The following CELF2 variants were observed in gnomAD, a reference collection of about 807,000 sequenced individuals.
CELF2 encodes the protein CUG triplet repeat RNA-binding protein 2.
In CELF2, 8 loss-of-function variants were observed where a neutral mutation model predicts 62.6. The observed-to-expected ratio is 0.13, with a 90% confidence interval of 0.07 to 0.23. The LOEUF is 0.23. Ranked by LOEUF, CELF2 falls within the 10% of genes least tolerant of loss-of-function variation. The pLI, the probability that CELF2 is intolerant of heterozygous loss-of-function variation, is 1.00. For synonymous variants in CELF2, 258 were observed against 250.0 expected (o/e 1.03, Z -0.30); for missense variants, 333 against 671.0 (o/e 0.50, Z 5.56).
chr10:10,776,475 A>C, the CELF2 span: 201 of 154,280 alleles, frequency 1.3e-3, 1 homozygote, highest in Non-Finnish European at 2.6e-3. Flanking sequence ...TGTTCCTTTC[A>C]AGCATGGAAA....
intron 1 of CELF2, among the ~76,000 whole-genome samples, chr10:10,812,465 G>A (rs1250456096): frequency 1.3e-5 from 2 of 152,176 alleles, no homozygotes; most frequent in African/African-American, 2.4e-5. Context: ...GTGCAACAGA[G>A]TTAGAGGGCA....
chr10:10,947,376 TCACCATTTGA>T lies in CELF2; in HGVS notation c.89+27381_89+27390del, dbSNP rs928041470. The T allele has an allele frequency of 3.3e-5, 5 of 152,686 alleles. No individual in the cohort carries two copies. Among genetic ancestry groups the T allele is most frequent in the African/African-American group, 4.8e-5 (2 of 41,460 alleles). 9.5% of individuals were successfully genotyped at this position (152,686 alleles called of 1,614,324 possible). On this transcript the variant is annotated intron_variant, in intron 2 of 13. Coordinates refer to the CELF2 transcript ENST00000636488. The surrounding 1 kb of genome is among the most constrained non-coding windows in gnomAD (Gnocchi z 4.1). ...TTACCATTTTACTCTCCCTCCCTGTTCACCATTTGACACAAGAAATGAACAGCTCTTTTGC... is the reference window on the plus strand; with the variant it reads ...TTACCATTTTACTCTCCCTCCCTGTTCACAAGAAATGAACAGCTCTTTTGC...
chr10:10,802,330 T>A (rs191350439), intron 1 of CELF2, among the ~76,000 whole-genome samples: 2 of 152,054 alleles, frequency 1.3e-5, no homozygotes, highest in African/African-American at 4.8e-5. Flanking sequence ...ATTAGCTGGG[T>A]GTGGTGCCAC....
chr10:10,749,828 T>G, the CELF2 span, among the ~76,000 whole-genome samples: 1 of 152,222 alleles, frequency 6.6e-6, no homozygotes, highest in Non-Finnish European at 1.5e-5. Flanking sequence ...TTTTAAGCAT[T>G]TTCAGAATGT....
At position 11,156,481 on chromosome 10, in the gene CELF2, G is replaced by A. The variant is rs535213878; in HGVS notation, c.75-9005G>A. On this transcript the variant is annotated intron_variant, in intron 1 of 12. Transcript: ENST00000633077. The surrounding 1 kb of genome is among the most constrained non-coding windows in gnomAD (Gnocchi z 4.3). Reference sequence around the variant, plus strand: ...TTAATACCCTGCAACGCCCTCCCCTGCATGCTTTATTTGTCTCTGTCAAAA... The same window carrying A: ...TTAATACCCTGCAACGCCCTCCCCTACATGCTTTATTTGTCTCTGTCAAAA... 1.3e-5 allele frequency among the ~76,000 whole-genome samples: 2 copies of A among 152,096 alleles called. No individual in the cohort carries two copies. Among genetic ancestry groups the A allele is most frequent in the South Asian group, 4.2e-4 (2 of 4,810 alleles).
the CELF2 span, among the ~76,000 whole-genome samples, chr10:10,491,222 T>G: frequency 6.6e-6 from 1 of 152,182 alleles, no homozygotes; most frequent in Admixed American, 6.5e-5. Flanking sequence ...CCCCTTTCAC[T>G]GACATTAAAA....
rs141239788 is a variant in CELF2 at position 10,825,795 on chromosome 10, A to G, written c.53+26978A>G. On this transcript the variant is annotated intron_variant, in intron 1 of 13. Transcript: ENST00000636488. ...AAATTCCTTTCTCTCCCAAGGCCTCAGTTTCCTTATCTGCAAAATGATAAA... is the reference window on the plus strand; with the variant it reads ...AAATTCCTTTCTCTCCCAAGGCCTCGGTTTCCTTATCTGCAAAATGATAAA... 1.3e-3 allele frequency among the ~76,000 whole-genome samples: 199 copies of G among 152,316 alleles called. 1 individual carries two copies. Among genetic ancestry groups the G allele is most frequent in the African/African-American group, 4.5e-3 (186 of 41,580 alleles).
the CELF2 span, among the ~76,000 whole-genome samples, chr10:10,555,866 T>C: frequency 6.6e-6 from 1 of 152,174 alleles, no homozygotes; most frequent in Admixed American, 6.5e-5. Context: ...CTCTTCACAG[T>C]TGCCCAGGCC....
the CELF2 span, among the ~76,000 whole-genome samples, chr10:10,492,672 G>A: frequency 6.6e-6 from 1 of 152,254 alleles, no homozygotes; most frequent in South Asian, 2.1e-4. Flanking sequence ...AGTAACCCAA[G>A]TGACCACCAT....
chr10:10,877,255 G>T (rs1276507165), intron 1 of CELF2, among the ~76,000 whole-genome samples: 1 of 152,206 alleles, frequency 6.6e-6, no homozygotes, highest in Admixed American at 6.5e-5. Context: ...AATTTATTTT[G>T]CCAAGGTCAA....
the CELF2 span, among the ~76,000 whole-genome samples, chr10:10,484,418 G>A: frequency 3.6e-5 from 5 of 140,588 alleles, no homozygotes; most frequent in African/African-American, 8.1e-5. Context: ...CTGGGTTCAC[G>A]CGATTCTCCT....
chr10:11,115,797 G>A (rs2056434898), intron 1 of CELF2, among the ~76,000 whole-genome samples: 1 of 152,204 alleles, frequency 6.6e-6, no homozygotes, highest in Non-Finnish European at 1.5e-5. Context: ...ATCCAGTTTG[G>A]TGCTGCTGGT....
rs1477790237 is a variant in CELF2, at chr10:11,305,939, T to C, written c.977-8200T>C. ...CACCCCACCCTGCCCCACAAACAGT[T>C]TTCACAAAAGGCCACAGACTTTGTC... is the stretch of plus-strand genomic sequence containing the variant. On this transcript the variant is annotated intron_variant, in intron 9 of 12. Coordinates refer to ENST00000633077, the MANE Select transcript of CELF2 (RefSeq NM_001326342.2). The surrounding 1 kb of genome is among the most constrained non-coding windows in gnomAD (Gnocchi z 4.8). Among the ~76,000 whole-genome samples, 1 of 152,176 alleles carries C rather than the reference T, an allele frequency of 6.6e-6. No homozygotes were observed. The highest frequency in any genetic ancestry group is 1.5e-5 in the Non-Finnish European group (1 of 68,038).
intron 2 of CELF2, among the ~76,000 whole-genome samples, chr10:10,986,437 C>T (rs2052758309): frequency 6.6e-6 from 1 of 152,084 alleles, no homozygotes; most frequent in Non-Finnish European, 1.5e-5. Context: ...TGTGGGTTTT[C>T]ATATGAGATA....
intron 2 of CELF2, among the ~76,000 whole-genome samples, chr10:10,965,790 T>G (rs1430306309): frequency 6.6e-6 from 1 of 152,216 alleles, no homozygotes; most frequent in East Asian, 1.9e-4. Context: ...AGGCTATGAA[T>G]GAATAACTTT....
At chr10:10,904,939 GT>G (rs990712391) in intron 1 of CELF2, among the ~76,000 whole-genome samples, 74 of 152,080 alleles carry the variant, frequency 4.9e-4, no homozygotes, top group African/African-American at 1.8e-3. Flanking sequence ...CTCTCATTTC[GT>G]CCTTTAGATA....
chr10:11,301,356 C>T (rs1030999577), intron 9 of CELF2, among the ~76,000 whole-genome samples: 52 of 148,476 alleles, frequency 3.5e-4, no homozygotes, highest in African/African-American at 7.9e-4. Flanking sequence ...GCCCTGCTCC[C>T]GCTCCCCACC....
At chr10:11,208,725 G>A (rs2061047617) in intron 2 of CELF2, among the ~76,000 whole-genome samples, 1 of 152,196 alleles carries the variant, frequency 6.6e-6, no homozygotes, top group Admixed American at 6.5e-5. Flanking sequence ...GGGAAACGGG[G>A]TTCTGGTTTC....
chr10:10,653,684 A>G, the CELF2 span, among the ~76,000 whole-genome samples: 5 of 146,954 alleles, frequency 3.4e-5, no homozygotes, highest in East Asian at 9.7e-4. Flanking sequence ...ACAAAGACAC[A>G]ACATACCAGA....
Sources: gnomAD v4.1 joint callset for allele counts (sites outside exome capture counted in the v4.1 genomes callset) on GRCh38, gnomAD v4.1.1 for gene constraint, Gnocchi (gnomAD v3.1) non-coding constraint, MANE v1.5 for transcripts, NCBI Gene and HGNC (gene_info 2026-07-23, HGNC 2026-07-21) for gene names.